TTC6: variants seen among roughly 807,000 people sequenced by gnomAD.
TTC6 encodes the protein tetratricopeptide repeat domain 6.
In TTC6, 172 loss-of-function variants were observed where a neutral mutation model predicts 210.4. The ratio of observed to expected loss-of-function variants is 0.82; its 90% CI spans 0.72 to 0.93. The LOEUF is 0.93. Ranked by LOEUF, TTC6 falls within the 40% of genes least tolerant of loss-of-function variation. TTC6 has a pLI of 0.00. For missense variants in TTC6, 2,414 were observed against 2,318.1 expected (o/e 1.04, Z -0.85); for synonymous variants, 804 against 819.6 (o/e 0.98, Z 0.32).
Position 37,677,660 on chromosome 14 carries a change from A to T in TTC6, c.940-2491A>T, listed in dbSNP as rs1472571744. On this transcript the variant is annotated intron_variant, in intron 1 of 30. Transcript: ENST00000553443. ...GTGTGAATATTTTCAGTCACTCCCC[A>T]TATCCCTTTCTGGAACCCCAATTAA... Among the ~76,000 whole-genome samples the T allele has an allele frequency of 2.6e-5, 4 of 151,830 alleles. No individual in the cohort carries two copies. In the East Asian group the frequency reaches 5.8e-4, roughly 22 times the overall value.
At chr14:37,821,196 T>C (rs1289263045) in intron 26 of TTC6, among the ~76,000 whole-genome samples, 1 of 152,016 alleles carries the variant, frequency 6.6e-6, no homozygotes, top group Non-Finnish European at 1.5e-5. Flanking sequence ...GCCTCCTAAG[T>C]AGCTGGGACT....
At chr14:37,613,371 A>G (rs1255773426) in intron 2 of TTC6, among the ~76,000 whole-genome samples, 2 of 152,134 alleles carry the variant, frequency 1.3e-5, no homozygotes, top group Admixed American at 6.5e-5. Context: ...TTTCAAAAAT[A>G]TATTTTTGGA....
At chr14:37,703,750 G>A (rs1011767249) in intron 5 of TTC6, among the ~76,000 whole-genome samples, 6 of 151,978 alleles carry the variant, frequency 3.9e-5, no homozygotes, top group African/African-American at 4.8e-5. Context: ...TCAAACTTAC[G>A]CTTATTTTGC....
intron 30 of TTC6, 74 bp from the exon 33 acceptor site, chr14:37,842,081 A>ATT: frequency 2.3e-6 from 3 of 1,288,548 alleles, no homozygotes; most frequent in Admixed American, 2.9e-5. Context: ...TTCTTATCCA[A>ATT]TTTTTTTTTG....
chr14:37,596,754 C>T (rs1397294969), intron 1 of TTC6, among the ~76,000 whole-genome samples: 2 of 124,570 alleles, frequency 1.6e-5, no homozygotes, highest in Middle Eastern at 4.2e-3. Context: ...ATTAAGAATC[C>T]GCAAAATCTT....
chr14:37,642,700 T>C (rs956026733), intron 1 of TTC6, among the ~76,000 whole-genome samples: 6 of 152,296 alleles, frequency 3.9e-5, no homozygotes, highest in Admixed American at 3.3e-4. Flanking sequence ...CATTAGGTGA[T>C]TTCATCATTG....
chr14:37,780,887 T>G (rs2096052809), intron 14 of TTC6, among the ~76,000 whole-genome samples: 1 of 152,188 alleles, frequency 6.6e-6, no homozygotes, highest in Non-Finnish European at 1.5e-5. Flanking sequence ...TGTTTGGTTT[T>G]CTGATCTTGT....
At chr14:37,727,362 T>A (rs1411225184) in intron 7 of TTC6, among the ~76,000 whole-genome samples, 2 of 149,098 alleles carry the variant, frequency 1.3e-5, no homozygotes, top group Admixed American at 6.8e-5. Flanking sequence ...GGTGCGATCT[T>A]GGCTCACTGC....
chr14:37,771,450 G>A (rs1327303310), intron 14 of TTC6, among the ~76,000 whole-genome samples: 8 of 152,246 alleles, frequency 5.3e-5, no homozygotes, highest in East Asian at 1.9e-4. Context: ...CCAATCGGAC[G>A]TAGATTTGGT....
intron 24 of TTC6, 62 bp from the exon 27 acceptor site, chr14:37,812,252 T>C: frequency 6.4e-7 from 1 of 1,560,304 alleles, no homozygotes; most frequent in Admixed American, 1.8e-5. Context: ...AATACGTTTG[T>C]CCATAGCCAA....
chr14:37,646,162 G>A (rs1037932097), intron 1 of TTC6, among the ~76,000 whole-genome samples: 36 of 152,154 alleles, frequency 2.4e-4, no homozygotes, highest in Admixed American at 8.5e-4. Flanking sequence ...CAGACCAGGC[G>A]TATGTGTACA....
Position 37,841,438 on chromosome 14 carries a change from T to C in TTC6, c.5299-7T>C, listed in dbSNP as rs2096209759. On this transcript the variant is annotated splice_region_variant and splice_polypyrimidine_tract_variant and intron_variant, in intron 29 of 30. Coordinates refer to ENST00000553443, the Ensembl canonical transcript of TTC6. ...TTAAAATATATCATTATCTTCATAT[T>C]TTGTAGGCCAGTGACTACTTCTCAA... 1.9e-6 allele frequency: 3 copies of C among 1,580,858 alleles called. No individual in the cohort carries two copies. Among genetic ancestry groups the C allele is most frequent in the African/African-American group, 2.7e-5 (2 of 72,852 alleles).
intron 6 of TTC6, among the ~76,000 whole-genome samples, chr14:37,718,686 G>T (rs1042425552): frequency 2.0e-5 from 3 of 152,178 alleles, no homozygotes; most frequent in Non-Finnish European, 4.4e-5. Context: ...CCAGCGCTTT[G>T]GGAGGCCAAG....
intron 1 of TTC6, among the ~76,000 whole-genome samples, chr14:37,628,818 T>C (rs1025352667): frequency 3.9e-5 from 6 of 152,262 alleles, no homozygotes; most frequent in Non-Finnish European, 7.3e-5. Context: ...TTCAGTTTTC[T>C]GCATATGGCT....
intron 6 of TTC6, among the ~76,000 whole-genome samples, chr14:37,721,946 T>C (rs1295056121): frequency 6.8e-6 from 1 of 147,158 alleles, no homozygotes; most frequent in African/African-American, 2.5e-5. Flanking sequence ...ATATATTTTT[T>C]CCCCCTCAGT....
rs115035748 is a variant in TTC6, at chr14:37,811,118, A to G, written c.4570-1196A>G. Among the ~76,000 whole-genome samples the G allele has an allele frequency of 7.3e-3, 1,105 of 152,102 alleles. 19 individuals carry two copies. Among genetic ancestry groups the G allele is most frequent in the African/African-American group, 0.025 (1,038 of 41,494 alleles). On this transcript the variant is annotated intron_variant, in intron 24 of 30. Coordinates refer to ENST00000553443, the Ensembl canonical transcript of TTC6. ...TCAAAACCTGTGTGCTCCCATCCCT[A>G]CCCCTTACCCTCGTTGACCTTTACG... is the stretch of plus-strand genomic sequence containing the variant.
chr14:37,693,384 A>G (rs1189625401), intron 3 of TTC6, among the ~76,000 whole-genome samples: 2 of 152,344 alleles, frequency 1.3e-5, no homozygotes, highest in Non-Finnish European at 2.9e-5. Context: ...CAAAAAATGG[A>G]AAGATATTCC....
intron 1 of TTC6, among the ~76,000 whole-genome samples, chr14:37,602,755 GA>G (rs1362488660): frequency 6.6e-6 from 1 of 152,180 alleles, no homozygotes; most frequent in African/African-American, 2.4e-5. Flanking sequence ...CGGTGGGGGA[GA>G]GGGGGTCGGA....
chr14:37,757,232 C>G (rs2095970779), intron 14 of TTC6, among the ~76,000 whole-genome samples: 1 of 151,642 alleles, frequency 6.6e-6, no homozygotes, highest in Non-Finnish European at 1.5e-5. Flanking sequence ...TGATTCTTCT[C>G]TTTTCTTCTT....
Sources: allele counts gnomAD v4.1 joint callset (sites outside exome capture counted in the v4.1 genomes callset), GRCh38; gene constraint gnomAD v4.1.1; transcripts MANE v1.5; gene names NCBI Gene and HGNC (gene_info 2026-07-23, HGNC 2026-07-21).